The following PRKAA1 variants were observed in gnomAD, a reference collection of about 807,000 sequenced individuals.
PRKAA1 encodes protein kinase AMP-activated catalytic subunit alpha 1.
In PRKAA1, 23 loss-of-function variants were observed where a neutral mutation model predicts 56.9. The ratio of observed to expected loss-of-function variants is 0.40; its 90% CI spans 0.29 to 0.57. PRKAA1 has a LOEUF of 0.57. Among genes scored for constraint, PRKAA1 ranks in the 20% least tolerant of loss-of-function variants. PRKAA1 has a pLI of 0.39. For missense variants in PRKAA1, 413 were observed against 679.7 expected, an observed-to-expected ratio of 0.61 and a Z score of 4.36; for synonymous variants, 226 against 227.0, an observed-to-expected ratio of 1.00 and a Z score of 0.04.
In PRKAA1 at chr5:40,767,776, A is replaced by AT. The variant is rs918601276; in HGVS notation, c.597-87_597-86insA. On this transcript the variant is annotated intron_variant, in intron 5 of 8. Transcript: ENST00000397128. ...AAAACTTCAAATATGGATATTTCAT[A>AT]AAGAATTCTTAAGCAGAATATGGTT... 2.0e-4 allele frequency: 227 copies of AT among 1,152,100 alleles called. No homozygotes were observed. In the African/African-American group the frequency reaches 3.3e-3, roughly 17 times the overall value. 71.4% of individuals were successfully genotyped at this position (1,152,100 alleles called of 1,614,324 possible). A position where few individuals can be genotyped will look rare whatever the true frequency, so the allele number is the denominator to read the frequency against.
chr5:40,792,938 G>A (rs1179149842), intron 1 of PRKAA1, among the ~76,000 whole-genome samples: 1 of 151,570 alleles, frequency 6.6e-6, no homozygotes, highest in Non-Finnish European at 1.5e-5. Flanking sequence ...GTAGTGGTGG[G>A]CGCCTATAAT....
At chr5:40,789,327 A>G (rs563111468) in intron 1 of PRKAA1, among the ~76,000 whole-genome samples, 3 of 152,356 alleles carry the variant, frequency 2.0e-5, no homozygotes, top group Middle Eastern at 3.4e-3. Context: ...ATCACCTCAC[A>G]CCTGTTAGAC....
chr5:40,779,022 C>G (rs1744150083), intron 1 of PRKAA1, among the ~76,000 whole-genome samples: 1 of 151,738 alleles, frequency 6.6e-6, no homozygotes, highest in South Asian at 2.1e-4. Context: ...TGGTCTCAAA[C>G]TCCTCAGTTC....
At chr5:40,768,659 T>C (rs1443252582) in intron 5 of PRKAA1, 40 of 1,203,654 alleles carry the variant, frequency 3.3e-5, no homozygotes, top group Non-Finnish European at 4.1e-5. Flanking sequence ...TAGAAAATAC[T>C]ACAGTATTTC....
chr5:40,774,972 T>G, intron 3 of PRKAA1: 1 of 1,599,880 alleles, frequency 6.3e-7, no homozygotes, highest in Non-Finnish European at 8.6e-7. Flanking sequence ...ACATCAGATT[T>G]CTGAAACCAA....
chr5:40,796,079 G>A (rs1744915674), intron 1 of PRKAA1, among the ~76,000 whole-genome samples: 1 of 152,226 alleles, frequency 6.6e-6, no homozygotes, highest in Non-Finnish European at 1.5e-5. Context: ...CACTTTGGGA[G>A]GCTGAGGTGG....
intron 1 of PRKAA1, among the ~76,000 whole-genome samples, chr5:40,784,864 T>A (rs181992889): frequency 6.6e-6 from 1 of 152,208 alleles, no homozygotes; most frequent in Non-Finnish European, 1.5e-5. Context: ...GTCAGACTCT[T>A]AAAGTTATGC....
At position 40,798,313 on chromosome 5, in the gene PRKAA1, C is replaced by T; in HGVS notation, c.-124G>A. On this transcript the variant is annotated 5_prime_UTR_variant, in exon 1 of 9. Transcript: ENST00000397128. ...CGCCCTGCGCCGCCAGCCCAGGCCCCGCAGCCTACGTCGGGCGCAGACGCT... is the reference window on the plus strand; with the variant it reads ...CGCCCTGCGCCGCCAGCCCAGGCCCTGCAGCCTACGTCGGGCGCAGACGCT... 1 of 513,760 alleles carries T rather than the reference C, an allele frequency of 1.9e-6. No individual in the cohort carries two copies. The highest frequency in any genetic ancestry group is 4.8e-5 in the Admixed American group (1 of 20,720). The allele number at this position is 513,760 out of a possible 1,614,324, so 31.8% of individuals were successfully genotyped here. A position where few individuals can be genotyped will look rare whatever the true frequency, so the allele number is the denominator to read the frequency against.
chr5:40,777,728 G>A, intron 1 of PRKAA1, 142 bp from the exon 2 acceptor site: 1 of 720,006 alleles, frequency 1.4e-6, no homozygotes, highest in Non-Finnish European at 2.1e-6. Context: ...GAGGTCAGGA[G>A]TTCGAAACCA....
At chr5:40,790,473 G>A (rs1484526287) in intron 1 of PRKAA1, among the ~76,000 whole-genome samples, 3 of 150,372 alleles carry the variant, frequency 2.0e-5, no homozygotes, top group South Asian at 2.1e-4. Context: ...GTGGTTTTCC[G>A]CTTTTTGAAT....
chr5:40,768,009 G>T (rs1233431730), intron 5 of PRKAA1, among the ~76,000 whole-genome samples: 2 of 152,150 alleles, frequency 1.3e-5, no homozygotes, highest in African/African-American at 4.8e-5. Context: ...ACAGAGGAGA[G>T]ATTAAGTGAT....
intron 6 of PRKAA1, among the ~76,000 whole-genome samples, chr5:40,765,458 T>C (rs1411248996): frequency 6.6e-6 from 1 of 152,130 alleles, no homozygotes; most frequent in African/African-American, 2.4e-5. Flanking sequence ...GAGAATGTAT[T>C]GACACAGCAA....
chr5:40,775,039 GTAA>G, intron 3 of PRKAA1: 1 of 1,090,928 alleles, frequency 9.2e-7, no homozygotes. Context: ...AGATCTTTAA[GTAA>G]TAATAATATA....
At chr5:40,797,727 C>A (rs1230860035) in intron 1 of PRKAA1, among the ~76,000 whole-genome samples, 2 of 152,206 alleles carry the variant, frequency 1.3e-5, no homozygotes, top group East Asian at 3.9e-4. Flanking sequence ...CGCCCGGCGC[C>A]CCCTCCCAGC....
chr5:40,787,642 A>G (rs915636833), intron 1 of PRKAA1, among the ~76,000 whole-genome samples: 3 of 152,136 alleles, frequency 2.0e-5, no homozygotes, highest in African/African-American at 7.2e-5. Flanking sequence ...TATACCAGTT[A>G]TAAGATGTTT....
At chr5:40,781,477 G>A (rs574453115) in intron 1 of PRKAA1, among the ~76,000 whole-genome samples, 2 of 152,274 alleles carry the variant, frequency 1.3e-5, no homozygotes, top group African/African-American at 2.4e-5. Flanking sequence ...AAATGGTGAA[G>A]CAAAGTCACA....
intron 1 of PRKAA1, among the ~76,000 whole-genome samples, chr5:40,779,420 AAC>A (rs1349567250): frequency 2.0e-5 from 3 of 152,318 alleles, no homozygotes; most frequent in East Asian, 3.9e-4. Flanking sequence ...GAAACATAAA[AAC>A]ACAACGGAAC....
rs1248259974 is a variant in PRKAA1, at chr5:40,767,538, G to T, written c.749C>A (p.Pro250His). The T allele has an allele frequency of 5.0e-6, 8 of 1,613,474 alleles. No homozygotes were observed. Among genetic ancestry groups the T allele is most frequent in the Non-Finnish European group, 6.8e-6 (8 of 1,179,798 alleles). The change falls in exon 6 of 9, where the codon CCT becomes CAT. Residue 250 changes from proline (P) to histidine (H), a missense_variant. Pro to His is a moderately conservative substitution (Grantham distance 77). Coordinates refer to ENST00000397128, the MANE Select transcript of PRKAA1 (RefSeq NM_006251.6). ...GIFYTPQYLNPSVISLLKHML... is the reference protein window; with the variant it reads ...GIFYTPQYLNHSVISLLKHML... ...ATGTTTCAAAAGGCTAATCACAGAA[G>T]GATTTAAATATTGAGGGGTATAGAA...
chr5:40,768,374 T>G (rs1322040274), intron 5 of PRKAA1: 63 of 872,940 alleles, frequency 7.2e-5, no homozygotes, highest in Non-Finnish European at 8.7e-5. Context: ...TAATAGCCCA[T>G]TGCATATATG....
Sources: gnomAD v4.1 joint callset for allele counts (sites outside exome capture counted in the v4.1 genomes callset) on GRCh38, gnomAD v4.1.1 for gene constraint, MANE v1.5 for transcripts, NCBI Gene and HGNC (gene_info 2026-07-23, HGNC 2026-07-21) for gene names.